The following PPME1 variants were observed in gnomAD, a reference collection of about 807,000 sequenced individuals.
The protein encoded by PPME1 is testicular secretory protein Li 39.
In PPME1, 17 loss-of-function variants were observed where a neutral mutation model predicts 56.9. That is an observed-to-expected ratio of 0.30 (90% CI 0.20 to 0.45). The LOEUF (loss-of-function observed/expected upper bound fraction) is 0.45. PPME1 is among the 20% of genes least tolerant of loss of function. The pLI is 1.00. For synonymous variants in PPME1, 122 were observed against 156.2 expected (o/e 0.78, Z 1.63); for missense variants, 357 against 483.2 (o/e 0.74, Z 2.45).
intron 1 of PPME1, among the ~76,000 whole-genome samples, chr11:74,186,163 C>T (rs528254102): frequency 6.6e-6 from 1 of 152,306 alleles, no homozygotes; most frequent in East Asian, 1.9e-4. Context: ...TATTCTCTGT[C>T]TGTGAATGGC....
rs148585483 is a variant in PPME1, at chr11:74,197,333, A to T, written c.102-6395A>T. On this transcript the variant is annotated intron_variant, in intron 1 of 13. Transcript: ENST00000328257. ...ATGTGTATCAGGCTCTGGGCTGGGA[A>T]TACATCAGTGAACTAATGGAGAACC... 9.8e-5 allele frequency among the ~76,000 whole-genome samples: 15 copies of T among 152,370 alleles called. No homozygotes were observed. In the East Asian group the frequency reaches 2.7e-3, roughly 27 times the overall value.
chr11:74,208,084 C>T (rs1482809007), intron 3 of PPME1, among the ~76,000 whole-genome samples: 2 of 152,054 alleles, frequency 1.3e-5, no homozygotes, highest in Non-Finnish European at 1.5e-5. Context: ...GAGGCCGAAG[C>T]GGGCAGATCA....
At chr11:74,217,034 A>G (rs1346924120) in intron 3 of PPME1, among the ~76,000 whole-genome samples, 2 of 152,216 alleles carry the variant, frequency 1.3e-5, no homozygotes, top group African/African-American at 4.8e-5. Context: ...AATTTTACCA[A>G]ACATTTAAAA....
intron 7 of PPME1, among the ~76,000 whole-genome samples, chr11:74,233,092 A>T (rs1170046139): frequency 1.3e-5 from 2 of 151,764 alleles, no homozygotes; most frequent in African/African-American, 4.8e-5. Flanking sequence ...GAACTGGGGG[A>T]TGAATCAGGC....
intron 3 of PPME1, among the ~76,000 whole-genome samples, chr11:74,212,156 T>G (rs1337506551): frequency 6.6e-6 from 1 of 152,172 alleles, no homozygotes; most frequent in Non-Finnish European, 1.5e-5. Context: ...CTGCTGGCAG[T>G]GGTTGCGTGG....
At chr11:74,172,649 A>G (rs751664274) in intron 1 of PPME1, among the ~76,000 whole-genome samples, 1 of 151,176 alleles carries the variant, frequency 6.6e-6, no homozygotes, top group Non-Finnish European at 1.5e-5. Context: ...TGAACATGGG[A>G]GAAGTAATTG....
chr11:74,233,540 T>A (rs1464761349), intron 7 of PPME1, among the ~76,000 whole-genome samples: 1 of 152,100 alleles, frequency 6.6e-6, no homozygotes, highest in Non-Finnish European at 1.5e-5. Context: ...AGGCCAGGTG[T>A]GGTGGTTCAC....
chr11:74,182,812 C>T (rs545041692), intron 1 of PPME1, among the ~76,000 whole-genome samples: 3 of 152,002 alleles, frequency 2.0e-5, no homozygotes, highest in Non-Finnish European at 4.4e-5. Context: ...TGTGAGGAGG[C>T]GTGGGTGTTC....
At chr11:74,202,897 C>T (rs971404919) in intron 1 of PPME1, among the ~76,000 whole-genome samples, 5 of 152,024 alleles carry the variant, frequency 3.3e-5, no homozygotes, top group African/African-American at 1.2e-4. Context: ...TACATAAACA[C>T]TTACATGTAT....
At chr11:74,197,202 A>C (rs569009892) in intron 1 of PPME1, among the ~76,000 whole-genome samples, 1 of 152,246 alleles carries the variant, frequency 6.6e-6, no homozygotes. Flanking sequence ...AAGGATTATT[A>C]GCCTCAAAGC....
In PPME1 at chr11:74,247,081, G is replaced by A. The variant is rs888102620; in HGVS notation, c.967G>A (p.Val323Ile). ...CAATGAATTCTCTTGTTTTCTAGGTGTTGATAGATTGGATAAAGATCTGAC... is the reference window on the plus strand; with the variant it reads ...CAATGAATTCTCTTGTTTTCTAGGTATTGATAGATTGGATAAAGATCTGAC... ...PIPKLLLLAG[V>I]DRLDKDLTIG... Residue 323 changes from valine (V) to isoleucine (I), a missense_variant and splice_region_variant, in exon 11 of 14, where the codon GTT becomes ATT. By Grantham distance (29) the Val-to-Ile change is conservative. Coordinates refer to ENST00000328257, the MANE Select transcript of PPME1 (RefSeq NM_016147.3). 3 of 1,611,280 alleles carry A rather than the reference G, an allele frequency of 1.9e-6. No homozygotes were observed. Among genetic ancestry groups the A allele is most frequent in the Admixed American group, 1.7e-5 (1 of 59,868 alleles).
At position 74,230,217 on chromosome 11, in the gene PPME1, C is replaced by G; in HGVS notation, c.399-28C>G. On this transcript the variant is annotated intron_variant, in intron 5 of 13. Coordinates refer to ENST00000328257, the MANE Select transcript of PPME1 (RefSeq NM_016147.3). This position sits in a 1 kb window ranked among gnomAD's most constrained non-coding sequence, Gnocchi z 4.9. ...TTTTACAGTGTTGTCAGAAAGCATT[C>G]TTAGATCTTTTTCTCTTCTCTTTGC... 1 of 1,584,742 alleles carries G rather than the reference C, an allele frequency of 6.3e-7. No individual in the cohort carries two copies. Among genetic ancestry groups the G allele is most frequent in the Admixed American group, 1.9e-5 (1 of 52,712 alleles).
chr11:74,236,685 C>T (rs538378355), intron 8 of PPME1, among the ~76,000 whole-genome samples: 60 of 152,278 alleles, frequency 3.9e-4, no homozygotes, highest in African/African-American at 1.4e-3. Flanking sequence ...TGTCCATTTT[C>T]AATGGTTATT....
chr11:74,191,837 A>G (rs1197352873), intron 1 of PPME1, among the ~76,000 whole-genome samples: 1 of 152,208 alleles, frequency 6.6e-6, no homozygotes, highest in Non-Finnish European at 1.5e-5. Flanking sequence ...CAGGGCATAT[A>G]TGAGAAAGCC....
chr11:74,216,439 A>G (rs1858646462), intron 3 of PPME1, among the ~76,000 whole-genome samples: 2 of 152,298 alleles, frequency 1.3e-5, no homozygotes, highest in East Asian at 3.9e-4. Context: ...ATTTCTTGCA[A>G]CAAATGATAA....
At chr11:74,171,807 A>G (rs1857243580) in intron 1 of PPME1, among the ~76,000 whole-genome samples, 1 of 152,150 alleles carries the variant, frequency 6.6e-6, no homozygotes, top group East Asian at 1.9e-4. Context: ...CTTCCACAAT[A>G]AAGGAGGCTT....
At chr11:74,210,762 G>T (rs1858451946) in intron 3 of PPME1, among the ~76,000 whole-genome samples, 1 of 152,152 alleles carries the variant, frequency 6.6e-6, no homozygotes, top group Non-Finnish European at 1.5e-5. Flanking sequence ...TTCTTATACA[G>T]CTTGCAGAAC....
intron 1 of PPME1, among the ~76,000 whole-genome samples, chr11:74,194,910 G>GT (rs1857940190): frequency 6.6e-6 from 1 of 152,168 alleles, no homozygotes; most frequent in Non-Finnish European, 1.5e-5. Context: ...AAGGCAAGAA[G>GT]AATTCCTGAG....
At chr11:74,203,992 G>A (rs143472689) in intron 2 of PPME1, among the ~76,000 whole-genome samples, 171 bp downstream of exon 2, 4 of 152,192 alleles carry the variant, frequency 2.6e-5, no homozygotes, top group Admixed American at 2.6e-4. Context: ...TTTCTTGGCT[G>A]TAATTCTCTA....
Sources: allele counts gnomAD v4.1 joint callset (sites outside exome capture counted in the v4.1 genomes callset), GRCh38; gene constraint gnomAD v4.1.1; non-coding constraint Gnocchi (gnomAD v3.1); transcripts MANE v1.5; gene names NCBI Gene and HGNC (gene_info 2026-07-23, HGNC 2026-07-21).